The following MRPL42 variants were observed in gnomAD, a reference collection of about 807,000 sequenced individuals.
MRPL42 encodes mitochondrial ribosomal protein L42, also known as large ribosomal subunit protein mL42.
A neutral mutation model predicts 17.9 loss-of-function variants in MRPL42; 17 were observed. The observed-to-expected ratio is 0.95, with a 90% CI of 0.65 to 1.42. The LOEUF (loss-of-function observed/expected upper bound fraction) is 1.42, where lower values mean the gene tolerates loss of function less well. Among genes scored for constraint, MRPL42 ranks in the 40% most tolerant of loss-of-function variants. The pLI, the probability that MRPL42 is intolerant of heterozygous loss-of-function variation, is 0.00. For synonymous variants in MRPL42, 59 were observed against 54.4 expected, an observed-to-expected ratio of 1.08 and a Z score of -0.37; for missense variants, 177 against 175.2, an observed-to-expected ratio of 1.01 and a Z score of -0.06.
Position 93,487,590 on chromosome 12 carries a change from G to A in MRPL42, c.313G>A (p.Glu105Lys), listed in dbSNP as rs1413097653. 9.9e-6 allele frequency: 16 copies of A among 1,613,238 alleles called. No individual in the cohort carries two copies. Among genetic ancestry groups the A allele is most frequent in the Non-Finnish European group, 1.4e-5 (16 of 1,179,352 alleles). ...RLEEKVEHLE[E>K]GPMIEQLSKM... ...GGAAGAAAAAGTTGAACACCTTGAG[G>A]AAGGACCTATGATAGAACAACTTAG... is the stretch of plus-strand genomic sequence containing the variant. The change falls in exon 5 of 6, where the codon GAA (glutamate) becomes AAA (lysine). Residue 105 changes from glutamate to lysine, a missense_variant. Coordinates refer to ENST00000549982, the MANE Select transcript of MRPL42 (RefSeq NM_014050.4).
Position 93,469,432 on chromosome 12 carries a change from G to A in MRPL42, c.70+77G>A. 6.0e-6 allele frequency: 6 copies of A among 998,236 alleles called. No individual in the cohort carries two copies. In the East Asian group the frequency reaches 1.3e-4, roughly 22 times the overall value. The allele number at this position is 998,236 out of a possible 1,614,324, so 61.8% of individuals were successfully genotyped here. On this transcript the variant is annotated intron_variant, in intron 2 of 5. Coordinates refer to ENST00000549982, the MANE Select transcript of MRPL42 (RefSeq NM_014050.4). ...AGAAAATTTAAAGCATTTAGTTATTGTATATGCCTGTAATTTGCAGGAGTG... is the reference window on the plus strand; with the variant it reads ...AGAAAATTTAAAGCATTTAGTTATTATATATGCCTGTAATTTGCAGGAGTG...
rs1009508006 is a variant in MRPL42 at position 93,515,645 on chromosome 12, A to G, written c.*14424A>G. 2 of 152,248 alleles carry G rather than the reference A, an allele frequency of 1.3e-5. No individual in the cohort carries two copies. Among genetic ancestry groups the G allele is most frequent in the African/African-American group, 4.8e-5 (2 of 41,450 alleles). 9.4% of individuals were successfully genotyped at this position (152,248 alleles called of 1,614,324 possible). A position where few individuals can be genotyped will look rare whatever the true frequency, so the allele number is the denominator to read the frequency against. ...CGGCCTCCCAAAGGGCTGGGATTAC[A>G]GACATCAGCCACTGCACCTGGGTTG... is the stretch of plus-strand genomic sequence containing the variant. On this transcript the variant is annotated 3_prime_UTR_variant, in exon 6 of 6. Transcript: ENST00000549982.
intron 1 of MRPL42, among the ~76,000 whole-genome samples, chr12:93,468,320 A>G (rs1879741301): frequency 6.6e-6 from 1 of 152,168 alleles, no homozygotes. Flanking sequence ...GGGGAAGGGC[A>G]CGGATACTCA....
Position 93,515,838 on chromosome 12 carries a change from TTAA to T in MRPL42, c.*14621_*14623del, listed in dbSNP as rs1313205747. 6.6e-6 allele frequency: 1 copy of T among 152,064 alleles called. No individual in the cohort carries two copies. Among genetic ancestry groups the T allele is most frequent in the East Asian group, 1.9e-4 (1 of 5,194 alleles). The allele number at this position is 152,064 out of a possible 1,614,324, so 9.4% of individuals were successfully genotyped here. A position where few individuals can be genotyped will look rare whatever the true frequency, so the allele number is the denominator to read the frequency against. ...CATTAAACAAGATGACTCTGAAACC[TTAA>T]TAAAGTGAGAAAAAACAAGTCCACT... On this transcript the variant is annotated 3_prime_UTR_variant, in exon 6 of 6. Transcript: ENST00000549982.
intron 2 of MRPL42, among the ~76,000 whole-genome samples, chr12:93,475,126 T>G (rs974745513): frequency 6.6e-6 from 1 of 151,706 alleles, no homozygotes; most frequent in East Asian, 2.0e-4. Context: ...GTTTGACCTT[T>G]TTTTTTTTGA....
intron 5 of MRPL42, among the ~76,000 whole-genome samples, chr12:93,491,842 C>G (rs1222627386): frequency 2.6e-5 from 4 of 152,180 alleles, no homozygotes; most frequent in Non-Finnish European, 5.9e-5. Context: ...GTGTTTGGCT[C>G]CCACTTACAC....
At chr12:93,487,806 TTC>T in intron 5 of MRPL42, 146 bp downstream of exon 5, 1 of 717,370 alleles carries the variant, frequency 1.4e-6, no homozygotes, top group Non-Finnish European at 2.2e-6. Context: ...TACTTTTTTT[TTC>T]TTTTCTGAGA....
intron 2 of MRPL42, among the ~76,000 whole-genome samples, chr12:93,474,077 T>G (rs985311132): frequency 5.3e-5 from 8 of 152,144 alleles, no homozygotes; most frequent in African/African-American, 1.9e-4. Context: ...AAGTGTGTCA[T>G]GAGGGCACAA....
chr12:93,473,316 A>G (rs1032455454), intron 2 of MRPL42, among the ~76,000 whole-genome samples: 1 of 151,986 alleles, frequency 6.6e-6, no homozygotes, highest in Non-Finnish European at 1.5e-5. Flanking sequence ...GCTGGAGTGC[A>G]GTGGTGCAGT....
At chr12:93,470,504 A>G in intron 2 of MRPL42, 1 of 1,291,338 alleles carries the variant, frequency 7.7e-7, no homozygotes, top group Non-Finnish European at 1.0e-6. Flanking sequence ...GTACATGTGC[A>G]GGTTTGTTAC....
intron 2 of MRPL42, among the ~76,000 whole-genome samples, chr12:93,470,322 T>G (rs1009209773): frequency 3.9e-5 from 6 of 152,208 alleles, no homozygotes; most frequent in Non-Finnish European, 7.3e-5. Flanking sequence ...AACTGTGCTT[T>G]CTTTTTCCTT....
chr12:93,504,000 C>CT lies in MRPL42; in HGVS notation c.*2781dup, dbSNP rs1953634764. 1.1e-5 allele frequency: 1 copy of CT among 87,034 alleles called. No homozygotes were observed. 5.4% of individuals were successfully genotyped at this position (87,034 alleles called of 1,614,324 possible). ...TTTTATTTTTTTTTTAAATTTATTTCTTCTTTTTTTTTTCTTATAATCTCA... is the reference window on the plus strand; with the variant it reads ...TTTTATTTTTTTTTTAAATTTATTTCTTTCTTTTTTTTTTCTTATAATCTCA... On this transcript the variant is annotated 3_prime_UTR_variant, in exon 6 of 6. Coordinates refer to ENST00000549982, the MANE Select transcript of MRPL42 (RefSeq NM_014050.4).
chr12:93,478,942 A>ATTTATTTTTTTT (rs1282970400), intron 3 of MRPL42, among the ~76,000 whole-genome samples: 40 of 76,668 alleles, frequency 5.2e-4, no homozygotes, highest in African/African-American at 1.4e-3. Flanking sequence ...TTATTTATTT[A>ATTTATTTTTTTT]TTTTTTTGAG....
At chr12:93,491,688 T>A (rs1953417905) in intron 5 of MRPL42, among the ~76,000 whole-genome samples, 1 of 152,180 alleles carries the variant, frequency 6.6e-6, no homozygotes, top group Non-Finnish European at 1.5e-5. Context: ...TGTGTGATGC[T>A]GAGGTTTGGA....
At chr12:93,484,533 A>G (rs1880612932) in intron 4 of MRPL42, among the ~76,000 whole-genome samples, 1 of 151,786 alleles carries the variant, frequency 6.6e-6, no homozygotes, top group Non-Finnish European at 1.5e-5. Flanking sequence ...GAATTTTTTT[A>G]GCTTCATGAT....
chr12:93,496,072 T>C (rs1255347318), intron 5 of MRPL42, among the ~76,000 whole-genome samples: 1 of 152,210 alleles, frequency 6.6e-6, no homozygotes, highest in Non-Finnish European at 1.5e-5. Context: ...TTTTTGTTTT[T>C]GTTTGACACG....
intron 5 of MRPL42, chr12:93,500,777 A>G (rs1003754427): frequency 3.3e-5 from 4 of 120,186 alleles, no homozygotes; most frequent in African/African-American, 1.1e-4. Flanking sequence ...AAAGAAAACT[A>G]TTTCAAATGC....
rs1953647512 is a variant in MRPL42 at position 93,504,646 on chromosome 12, T to G, written c.*3425T>G. On this transcript the variant is annotated 3_prime_UTR_variant, in exon 6 of 6. Transcript: ENST00000549982. The stretch of plus-strand genomic sequence containing the variant: ...CTTAAACCTATAAGAGGCCTTATTA[T>G]GGGCTTATTTCCTTTGCAGCCCTTT... The G allele has an allele frequency of 6.6e-6, 1 of 152,220 alleles. No homozygotes were observed. The highest frequency in any genetic ancestry group is 2.4e-5 in the African/African-American group (1 of 41,456). 9.4% of individuals were successfully genotyped at this position (152,220 alleles called of 1,614,324 possible). A position where few individuals can be genotyped will look rare whatever the true frequency, so the allele number is the denominator to read the frequency against.
rs1306298718 is a variant in MRPL42 at position 93,507,912 on chromosome 12, G to A, written c.*6691G>A. ...GGATTTCTTGAGCCCAGGAGTTCAAGACCAGCCTGGGCAACATAGTGAGAG... is the reference window on the plus strand; with the variant it reads ...GGATTTCTTGAGCCCAGGAGTTCAAAACCAGCCTGGGCAACATAGTGAGAG... On this transcript the variant is annotated 3_prime_UTR_variant, in exon 6 of 6. Transcript: ENST00000549982. 6.6e-6 allele frequency: 1 copy of A among 152,560 alleles called. No homozygotes were observed. Among genetic ancestry groups the A allele is most frequent in the Non-Finnish European group, 1.5e-5 (1 of 68,400 alleles). The allele number at this position is 152,560 out of a possible 1,614,324, so 9.5% of individuals were successfully genotyped here. A position where few individuals can be genotyped will look rare whatever the true frequency, so the allele number is the denominator to read the frequency against.
Sources: allele counts gnomAD v4.1 joint callset (sites outside exome capture counted in the v4.1 genomes callset), GRCh38; gene constraint gnomAD v4.1.1; transcripts MANE v1.5; gene names NCBI Gene and HGNC (gene_info 2026-07-23, HGNC 2026-07-21).